The following CACNA1H variants were observed in gnomAD, a reference collection of about 807,000 sequenced individuals.
CACNA1H encodes calcium voltage-gated channel subunit alpha1 H.
In CACNA1H, 149 loss-of-function variants were observed where a neutral mutation model predicts 192.5. The observed-to-expected ratio is 0.77, with a 90% CI of 0.68 to 0.89. The LOEUF (loss-of-function observed/expected upper bound fraction) is 0.89, where lower values mean the gene tolerates loss of function less well. Among genes scored for constraint, CACNA1H ranks in the 40% least tolerant of loss-of-function variants. The pLI, the probability that CACNA1H is intolerant of heterozygous loss-of-function variation, is 0.00. For missense variants in CACNA1H, 4,257 were observed against 3,423.5 expected (o/e 1.24, Z -6.08); for synonymous variants, 2,202 against 1,475.2 (o/e 1.49, Z -11.29).
chr16:1,183,428 G>A (rs1010146396), intron 2 of CACNA1H, among the ~76,000 whole-genome samples: 16 of 152,290 alleles, frequency 1.1e-4, no homozygotes, highest in Non-Finnish European at 1.9e-4. Context: ...AGCCCTGACC[G>A]GGCTTCCTCC....
At chr16:1,182,703 G>C (rs193024112) in intron 2 of CACNA1H, among the ~76,000 whole-genome samples, 4 of 152,132 alleles carry the variant, frequency 2.6e-5, no homozygotes, top group Non-Finnish European at 5.9e-5. Context: ...CAGACTGGGG[G>C]TTGGCTGGGA....
intron 18 of CACNA1H, 59 bp from the exon 19 acceptor site, chr16:1,210,311 C>T: frequency 7.0e-7 from 1 of 1,435,238 alleles, no homozygotes; most frequent in Non-Finnish European, 9.5e-7. Flanking sequence ...CTGCAACCCC[C>T]ATCCACTCTG....
At chr16:1,192,543 G>A (rs1186687394) in intron 2 of CACNA1H, among the ~76,000 whole-genome samples, 1 of 152,236 alleles carries the variant, frequency 6.6e-6, no homozygotes, top group Admixed American at 6.5e-5. Flanking sequence ...ATTCCCCTCA[G>A]TGCCAGGAAG....
Position 1,153,134 on chromosome 16 carries a change from A to T in CACNA1H, c.-355A>T, listed in dbSNP as rs1035793579. The T allele has an allele frequency of 3.6e-5, 5 of 137,174 alleles. No individual in the cohort carries two copies. Among genetic ancestry groups the T allele is most frequent in the Non-Finnish European group, 6.4e-5 (4 of 62,896 alleles). 8.5% of individuals were successfully genotyped at this position (137,174 alleles called of 1,614,324 possible). On this transcript the variant is annotated 5_prime_UTR_variant, in exon 1 of 35. Transcript: ENST00000348261. ...CCGAAGTTTCCTGCGCCGCGCGCGG[A>T]CGGGCTCGAGGCTCGCTCGCTGCCT...
At chr16:1,176,068 G>A (rs1214360516) in intron 2 of CACNA1H, among the ~76,000 whole-genome samples, 5 of 152,240 alleles carry the variant, frequency 3.3e-5, no homozygotes, top group Non-Finnish European at 5.9e-5. Context: ...AGGACACACC[G>A]TGTCTAGCGG....
Position 1,180,656 on chromosome 16 carries a change from G to A in CACNA1H, c.300-14316G>A, listed in dbSNP as rs922974368. Reference sequence around the variant, plus strand: ...ACCTGGCCTTGGCTTTCCCGGGGCAGGTAGGGAGGGGCCTGGGCAGGGCGG... The same window carrying A: ...ACCTGGCCTTGGCTTTCCCGGGGCAAGTAGGGAGGGGCCTGGGCAGGGCGG... On this transcript the variant is annotated intron_variant, in intron 2 of 34. Transcript: ENST00000348261. The surrounding 1 kb of genome is among the most constrained non-coding windows in gnomAD (Gnocchi z 4.4). 3.9e-5 allele frequency among the ~76,000 whole-genome samples: 6 copies of A among 152,110 alleles called. No individual in the cohort carries two copies. The highest frequency in any genetic ancestry group is 1.2e-4 in the African/African-American group (5 of 41,442).
chr16:1,209,421 G>C lies in CACNA1H; in HGVS notation c.3744+9G>C. ...ACGACGACTCGGAGGACGTGAGTGC[G>C]TGGCCCTGGGCCCACCGCCGACTCG... is the stretch of plus-strand genomic sequence containing the variant. On this transcript the variant is annotated intron_variant, in intron 17 of 34. Coordinates refer to ENST00000348261, the MANE Select transcript of CACNA1H (RefSeq NM_021098.3). The C allele has an allele frequency of 1.3e-6, 2 of 1,596,216 alleles. No individual in the cohort carries two copies. Among genetic ancestry groups the C allele is most frequent in the South Asian group, 1.1e-5 (1 of 90,900 alleles).
chr16:1,198,873 C>T (rs1391388221), intron 6 of CACNA1H, 99 bp downstream of exon 6: 1 of 1,210,660 alleles, frequency 8.3e-7, no homozygotes, highest in Non-Finnish European at 1.1e-6. Flanking sequence ...TGGCTCTGCC[C>T]ACCGTGCAGT....
Position 1,200,475 on chromosome 16 carries a change from C to A in CACNA1H, c.1023C>A (p.Asn341Lys). The A allele has an allele frequency of 6.2e-7, 1 of 1,612,164 alleles. No homozygotes were observed. Among genetic ancestry groups the A allele is most frequent in the Non-Finnish European group, 8.5e-7 (1 of 1,179,712 alleles). Reference protein sequence around the residue: ...GAARNACINWNQYYNVCRSGD... With the variant: ...GAARNACINWKQYYNVCRSGD... ...CACGCAACGCCTGCATCAACTGGAA[C>A]CAGTACTACAACGTGTGCCGCTCGG... Residue 341 changes from asparagine to lysine, a missense_variant, in exon 7 of 35, where the codon AAC becomes AAA. Physicochemically the swap from Asn to Lys is moderately conservative, Grantham distance 94. Coordinates refer to ENST00000348261, the MANE Select transcript of CACNA1H (RefSeq NM_021098.3).
chr16:1,180,605 A>C lies in CACNA1H; in HGVS notation c.300-14367A>C, dbSNP rs1238487827. ...GGCCAGGGAGGAGGGGCTGCTCTCC[A>C]TAGTGTGTCGGGTGGGGAGTGGCCC... is the stretch of plus-strand genomic sequence containing the variant. On this transcript the variant is annotated intron_variant, in intron 2 of 34. Transcript: ENST00000348261. This position sits in a 1 kb window ranked among gnomAD's most constrained non-coding sequence, Gnocchi z 4.4. Among the ~76,000 whole-genome samples the C allele has an allele frequency of 6.8e-6, 1 of 147,536 alleles. No homozygotes were observed. The highest frequency in any genetic ancestry group is 1.5e-5 in the Non-Finnish European group (1 of 66,756).
At chr16:1,215,737 G>A (rs904624278) in intron 30 of CACNA1H, 144 bp downstream of exon 30, 2 of 695,984 alleles carry the variant, frequency 2.9e-6, no homozygotes, top group African/African-American at 1.8e-5. Context: ...GCTGTGTGCA[G>A]TGCATGGCTT....
chr16:1,155,604 T>C (rs1962241380), intron 2 of CACNA1H, among the ~76,000 whole-genome samples: 1 of 152,042 alleles, frequency 6.6e-6, no homozygotes, highest in African/African-American at 2.4e-5. Flanking sequence ...TGAGCAAGCC[T>C]GGACTCTCTC....
intron 17 of CACNA1H, 45 bp from the exon 18 acceptor site, chr16:1,209,990 G>A (rs951223100): frequency 2.1e-6 from 3 of 1,452,048 alleles, no homozygotes; most frequent in Admixed American, 4.1e-5. Context: ...TGGGGGGCCG[G>A]GCAGGCAGGC....
At chr16:1,197,752 C>T (rs961236568) in intron 5 of CACNA1H, among the ~76,000 whole-genome samples, 2 of 152,200 alleles carry the variant, frequency 1.3e-5, no homozygotes, top group African/African-American at 4.8e-5. Flanking sequence ...CCATTGATAC[C>T]CCTGGGTGCT....
chr16:1,211,239 A>T lies in CACNA1H; in HGVS notation c.4295A>T (p.Asn1432Ile), dbSNP rs1382181749. ...ATATCATCACTCAGGCCCATTGGGA[A>T]CATCGTCCTCATCTGCTGCGCCTTC... The part of the protein sequence containing the change: ...TLISSLRPIG[N>I]IVLICCAFFI... The change falls in exon 22 of 35, where the codon AAC becomes ATC. Residue 1432 changes from asparagine (N) to isoleucine (I), a missense_variant. Transcript: ENST00000348261. The T allele has an allele frequency of 1.2e-6, 2 of 1,612,992 alleles. No homozygotes were observed. The highest frequency in any genetic ancestry group is 1.3e-5 in the African/African-American group (1 of 74,932).
intron 2 of CACNA1H, among the ~76,000 whole-genome samples, chr16:1,158,731 C>T (rs111349876): frequency 1.3e-3 from 196 of 152,298 alleles, no homozygotes; most frequent in African/African-American, 4.2e-3. Context: ...GGGCATGTGA[C>T]CTTGGTGCTC....
intron 2 of CACNA1H, among the ~76,000 whole-genome samples, chr16:1,187,228 G>A (rs757283204): frequency 4.6e-5 from 7 of 152,366 alleles, no homozygotes; most frequent in Admixed American, 2.0e-4. Context: ...CCAGCGCCGC[G>A]TGGGGCCGTG....
chr16:1,218,178 G>C (rs975029752), intron 32 of CACNA1H, 32 bp from the exon 33 acceptor site: 1 of 1,541,362 alleles, frequency 6.5e-7, no homozygotes, highest in Non-Finnish European at 8.8e-7. Flanking sequence ...GGGTGGGTGT[G>C]GACCCCGGCC....
At position 1,165,469 on chromosome 16, in the gene CACNA1H, G is replaced by A. The variant is rs182443671; in HGVS notation, c.299+11433G>A. 6.9e-4 allele frequency among the ~76,000 whole-genome samples: 105 copies of A among 152,308 alleles called. No homozygotes were observed. In the East Asian group the frequency reaches 0.014, roughly 20 times the overall value. On this transcript the variant is annotated intron_variant, in intron 2 of 34. Coordinates refer to ENST00000348261, the MANE Select transcript of CACNA1H (RefSeq NM_021098.3). ...GAGGCCTATGGTCTCAGGGAGCCGC[G>A]TGGGCCGAGCCCCCGTCCTGCGCAC...
Sources: allele counts gnomAD v4.1 joint callset (sites outside exome capture counted in the v4.1 genomes callset), GRCh38; gene constraint gnomAD v4.1.1; non-coding constraint Gnocchi (gnomAD v3.1); transcripts MANE v1.5; gene names NCBI Gene and HGNC (gene_info 2026-07-23, HGNC 2026-07-21).